The following SH3GL1 variants were observed in gnomAD, a reference collection of about 807,000 sequenced individuals.
SH3GL1 encodes the protein SH3 domain containing GRB2 like 1, endophilin A2.
SH3GL1 carries 21 observed loss-of-function variants against 48.8 expected under a neutral mutation model. That is an observed-to-expected ratio of 0.43 (90% CI 0.30 to 0.62). The LOEUF (loss-of-function observed/expected upper bound fraction) is 0.62. Among genes scored for constraint, SH3GL1 ranks in the 20% least tolerant of loss-of-function variants. The probability of loss-of-function intolerance (pLI) is 0.11; values close to 1 mark genes in which losing one functional copy is unlikely to be tolerated. For synonymous variants in SH3GL1, 282 were observed against 217.5 expected (o/e 1.30, Z -2.61); for missense variants, 454 against 503.0 (o/e 0.90, Z 0.93).
At chr19:4,388,428 G>A (rs560938332) in intron 1 of SH3GL1, among the ~76,000 whole-genome samples, 2 of 152,142 alleles carry the variant, frequency 1.3e-5, no homozygotes, top group African/African-American at 4.8e-5. Context: ...GAGGGGCAGC[G>A]GAAGCACAGG....
At chr19:4,392,305 C>T (rs1973351560) in intron 1 of SH3GL1, among the ~76,000 whole-genome samples, 1 of 151,942 alleles carries the variant, frequency 6.6e-6, no homozygotes, top group East Asian at 1.9e-4. Context: ...GCAGGGAGAT[C>T]ACTAGGTCAG....
chr19:4,378,597 C>G (rs1185560177), intron 1 of SH3GL1, among the ~76,000 whole-genome samples: 1 of 152,140 alleles, frequency 6.6e-6, no homozygotes, highest in Non-Finnish European at 1.5e-5. Flanking sequence ...TGCCTGTAAT[C>G]CCAGCTACTT....
intron 1 of SH3GL1, among the ~76,000 whole-genome samples, chr19:4,369,040 C>A (rs894030689): frequency 6.6e-6 from 1 of 152,044 alleles, no homozygotes; most frequent in Non-Finnish European, 1.5e-5. Context: ...CCACTGCACT[C>A]CAGCCTAGGC....
chr19:4,392,205 A>C (rs1973349917), intron 1 of SH3GL1, among the ~76,000 whole-genome samples: 2 of 152,188 alleles, frequency 1.3e-5, no homozygotes, highest in African/African-American at 4.8e-5. Context: ...TATCTGTGCC[A>C]AGGTGAAGGG....
intron 1 of SH3GL1, among the ~76,000 whole-genome samples, chr19:4,399,069 C>T (rs1183529549): frequency 2.0e-5 from 3 of 152,108 alleles, no homozygotes; most frequent in Admixed American, 2.0e-4. Flanking sequence ...TCGATAATCC[C>T]AGCATGTTGG....
intron 1 of SH3GL1, among the ~76,000 whole-genome samples, chr19:4,385,884 G>T (rs1973226400): frequency 6.6e-6 from 1 of 152,248 alleles, no homozygotes; most frequent in Non-Finnish European, 1.5e-5. Flanking sequence ...CGCTCAGCCA[G>T]GGGTCCGACA....
At position 4,360,583 on chromosome 19, in the gene SH3GL1, T is replaced by C. The variant is rs375011849; in HGVS notation, c.*1017A>G. 520 of 232,578 alleles carry C rather than the reference T, an allele frequency of 2.2e-3. No individual in the cohort carries two copies. The highest frequency in any genetic ancestry group is 0.01 in the African/African-American group (453 of 45,284). 14.4% of individuals were successfully genotyped at this position (232,578 alleles called of 1,614,324 possible). A position where few individuals can be genotyped will look rare whatever the true frequency, so the allele number is the denominator to read the frequency against. On this transcript the variant is annotated 3_prime_UTR_variant, in exon 10 of 10. Transcript: ENST00000269886. ...GTGAATGTGGCCTGGCCCAGAGAAC[T>C]CCCCATTTCATCGATTTTGCATTGG...
Position 4,360,956 on chromosome 19 carries a change from T to A in SH3GL1, c.*644A>T, listed in dbSNP as rs1972589876. On this transcript the variant is annotated 3_prime_UTR_variant, in exon 10 of 10. Coordinates refer to ENST00000269886, the MANE Select transcript of SH3GL1 (RefSeq NM_003025.4). ...CTGCAGGAGACCATGTTCTCTGTCC[T>A]CAGGCAGATCCCAGCTGGCCTCTGT... 4.3e-6 allele frequency: 1 copy of A among 233,488 alleles called. No individual in the cohort carries two copies. The highest frequency in any genetic ancestry group is 5.6e-5 in the Admixed American group (1 of 17,804). The allele number at this position is 233,488 out of a possible 1,614,324, so 14.5% of individuals were successfully genotyped here.
In SH3GL1 at chr19:4,367,127, C is replaced by T. The variant is rs557459441; in HGVS notation, c.46-133G>A. The T allele has an allele frequency of 2.3e-5, 19 of 828,086 alleles. No homozygotes were observed. The African/African-American group carries it at 3.2e-4, about 14-fold the overall frequency. The allele number at this position is 828,086 out of a possible 1,614,324, so 51.3% of individuals were successfully genotyped here. On this transcript the variant is annotated intron_variant, in intron 1 of 9. Transcript: ENST00000269886. The surrounding 1 kb of genome is among the most constrained non-coding windows in gnomAD (Gnocchi z 4.2). ...GGAGGCCAAGTGATCAGGACACACA[C>T]CTCAGGCACTGCCGTGGGCACCCCA...
rs1973496849 is a variant in SH3GL1 at position 4,400,163 on chromosome 19, G to A, written c.45+161C>T. Reference sequence around the variant, plus strand: ...TGGCGGGCAGGGCCTGGGCCACCTCGTCGCCCCCGTCCGTCCCTTGGTCTT... The same window carrying A: ...TGGCGGGCAGGGCCTGGGCCACCTCATCGCCCCCGTCCGTCCCTTGGTCTT... On this transcript the variant is annotated intron_variant, in intron 1 of 9. Transcript: ENST00000269886. This position sits in a 1 kb window ranked among gnomAD's most constrained non-coding sequence, Gnocchi z 4.1. Among the ~76,000 whole-genome samples, 1 of 152,124 alleles carries A rather than the reference G, an allele frequency of 6.6e-6. No homozygotes were observed. Among genetic ancestry groups the A allele is most frequent in the Non-Finnish European group, 1.5e-5 (1 of 67,990 alleles).
intron 1 of SH3GL1, chr19:4,380,099 T>G (rs56395626): frequency 0.026 from 3,953 of 152,172 alleles, 80 homozygotes; most frequent in Non-Finnish European, 0.039. Flanking sequence ...GGGGCCCCAG[T>G]GCTGGGGGCC....
chr19:4,373,873 A>T (rs993705981), intron 1 of SH3GL1, among the ~76,000 whole-genome samples: 1 of 152,118 alleles, frequency 6.6e-6, no homozygotes, highest in Non-Finnish European at 1.5e-5. Flanking sequence ...ACAGCCAGAC[A>T]TTGGGGGCCA....
chr19:4,400,118 C>T lies in SH3GL1; in HGVS notation c.45+206G>A, dbSNP rs949118272. On this transcript the variant is annotated intron_variant, in intron 1 of 9. Coordinates refer to ENST00000269886, the MANE Select transcript of SH3GL1 (RefSeq NM_003025.4). The surrounding 1 kb of genome is among the most constrained non-coding windows in gnomAD (Gnocchi z 4.1). ...TCTCCCCTCCTCCCAGGGGCTCTGTCCCCGCTTCTGGAGCCCGCATGGCGG... is the reference window on the plus strand; with the variant it reads ...TCTCCCCTCCTCCCAGGGGCTCTGTTCCCGCTTCTGGAGCCCGCATGGCGG... 2.6e-5 allele frequency among the ~76,000 whole-genome samples: 4 copies of T among 152,160 alleles called. No homozygotes were observed. The highest frequency in any genetic ancestry group is 6.5e-5 in the Admixed American group (1 of 15,288).
intron 1 of SH3GL1, among the ~76,000 whole-genome samples, chr19:4,373,073 C>T (rs948124304): frequency 6.6e-6 from 1 of 152,102 alleles, no homozygotes; most frequent in African/African-American, 2.4e-5. Context: ...CAGGAGTAGT[C>T]ATTCCTGCAC....
chr19:4,372,445 T>C (rs1372438807), intron 1 of SH3GL1, among the ~76,000 whole-genome samples: 1 of 152,124 alleles, frequency 6.6e-6, no homozygotes, highest in Non-Finnish European at 1.5e-5. Flanking sequence ...GGGTAAGGCC[T>C]GCAGAAGCAG....
chr19:4,377,881 C>A (rs1292884440), intron 1 of SH3GL1, among the ~76,000 whole-genome samples: 1 of 152,250 alleles, frequency 6.6e-6, no homozygotes, highest in Non-Finnish European at 1.5e-5. Flanking sequence ...AAGACTGCAG[C>A]CTCTCCTGTC....
chr19:4,399,518 G>A (rs243416), intron 1 of SH3GL1, among the ~76,000 whole-genome samples: 49,629 of 151,610 alleles, frequency 0.33, 8,592 homozygotes, highest in East Asian at 0.59. Flanking sequence ...GGGGACACAC[G>A]GTGATGTCTC....
At chr19:4,377,807 C>T (rs77268181) in intron 1 of SH3GL1, among the ~76,000 whole-genome samples, 3,465 of 152,336 alleles carry the variant, frequency 0.023, 40 homozygotes, top group African/African-American at 0.027. Flanking sequence ...TTGCTGACCA[C>T]GGCCTCAGCA....
At chr19:4,369,255 C>T (rs1972847287) in intron 1 of SH3GL1, among the ~76,000 whole-genome samples, 1 of 152,224 alleles carries the variant, frequency 6.6e-6, no homozygotes, top group African/African-American at 2.4e-5. Flanking sequence ...GGGCGTTCCA[C>T]TCTATTTCCT....
Sources: gnomAD v4.1 joint callset for allele counts (sites outside exome capture counted in the v4.1 genomes callset) on GRCh38, gnomAD v4.1.1 for gene constraint, Gnocchi (gnomAD v3.1) non-coding constraint, MANE v1.5 for transcripts, NCBI Gene and HGNC (gene_info 2026-07-23, HGNC 2026-07-21) for gene names.